The following AHCYL1 variants were observed in gnomAD, a reference collection of about 807,000 sequenced individuals.
AHCYL1 encodes adenosylhomocysteinase like 1, also known as S-adenosylhomocysteine hydrolase-like protein 1.
In AHCYL1, 20 loss-of-function variants were observed where a neutral mutation model predicts 79.3. That is an observed-to-expected ratio of 0.25 (90% confidence interval 0.18 to 0.37). AHCYL1 has a LOEUF of 0.37. AHCYL1 is among the 10% of genes least tolerant of loss of function. The pLI is 1.00. For synonymous variants in AHCYL1, 223 were observed against 242.2 expected, an observed-to-expected ratio of 0.92 and a Z score of 0.74; for missense variants, 330 against 673.6, an observed-to-expected ratio of 0.49 and a Z score of 5.65.
chr1:109,995,702 G>C, intron 1 of AHCYL1: 1 of 985,280 alleles, frequency 1.0e-6, no homozygotes. Flanking sequence ...AGGAGAAGAA[G>C]GTATCAGTCA....
chr1:110,017,728 C>T (rs537305098), intron 10 of AHCYL1, 145 bp downstream of exon 10: 2 of 1,029,180 alleles, frequency 1.9e-6, no homozygotes, highest in South Asian at 3.2e-5. Context: ...CACTCTAACC[C>T]TAGGGCTCTC....
chr1:110,019,745 G>C (rs973716372), intron 15 of AHCYL1, 119 bp downstream of exon 15: 2 of 963,474 alleles, frequency 2.1e-6, no homozygotes, highest in Non-Finnish European at 3.1e-6. Flanking sequence ...CTTACTGGTT[G>C]TTTGACCTCA....
intron 9 of AHCYL1, among the ~76,000 whole-genome samples, chr1:110,017,057 G>T (rs1249268294): frequency 6.6e-6 from 1 of 152,136 alleles, no homozygotes; most frequent in Non-Finnish European, 1.5e-5. Flanking sequence ...TAGAATTAAG[G>T]GTGGAATCTG....
At chr1:109,994,136 G>A (rs560322336) in intron 1 of AHCYL1, among the ~76,000 whole-genome samples, 1 of 152,314 alleles carries the variant, frequency 6.6e-6, no homozygotes, top group East Asian at 1.9e-4. Context: ...CTGGGCCAAT[G>A]CTTATCCTAG....
intron 1 of AHCYL1, 26 bp downstream of exon 1, chr1:109,985,198 G>A (rs1649401176): frequency 1.3e-6 from 2 of 1,594,266 alleles, no homozygotes; most frequent in Non-Finnish European, 1.7e-6. Context: ...GTGGCGGCGG[G>A]GGCTCGGGCT....
chr1:110,018,392 A>G lies in AHCYL1; in HGVS notation c.1143A>G (p.Thr381=), dbSNP rs1428532410. The change falls in exon 12 of 17, where the codon ACA becomes ACG. Residue 381 remains threonine, a synonymous_variant. Transcript: ENST00000369799. Reference sequence around the variant, plus strand: ...TTTTAGGAAATAAGAATGTAGTGACACGGGAGCACTTGGATCGCATGAAAA... The same window carrying G: ...TTTTAGGAAATAAGAATGTAGTGACGCGGGAGCACTTGGATCGCATGAAAA... ...ITCTGNKNVV[T]REHLDRMKNS... 1 of 1,614,020 alleles carries G rather than the reference A, an allele frequency of 6.2e-7. No homozygotes were observed. Among genetic ancestry groups the G allele is most frequent in the South Asian group, 1.1e-5 (1 of 91,088 alleles).
chr1:110,015,679 T>G (rs1651371903), intron 7 of AHCYL1, 148 bp downstream of exon 7: 2 of 638,656 alleles, frequency 3.1e-6, no homozygotes, highest in Non-Finnish European at 5.4e-6. Flanking sequence ...TTTTGAAAAA[T>G]CAAGTTGATC....
chr1:110,014,458 A>G (rs1436554607), intron 5 of AHCYL1, among the ~76,000 whole-genome samples: 3 of 152,258 alleles, frequency 2.0e-5, no homozygotes, highest in African/African-American at 7.2e-5. Flanking sequence ...GTTTACTAAT[A>G]TCAATAATGC....
At chr1:109,986,960 C>T (rs1267630470) in intron 1 of AHCYL1, among the ~76,000 whole-genome samples, 2 of 152,134 alleles carry the variant, frequency 1.3e-5, no homozygotes, top group Non-Finnish European at 2.9e-5. Context: ...TATTGTCAGG[C>T]CAAGTGCTGA....
intron 5 of AHCYL1, 30 bp downstream of exon 5, chr1:110,013,029 C>G (rs1651150315): frequency 6.4e-7 from 1 of 1,564,092 alleles, no homozygotes; most frequent in Non-Finnish European, 8.7e-7. Flanking sequence ...ACCAACTTTG[C>G]CCCAAAATAG....
At chr1:110,010,682 C>A (rs1420251376) in intron 2 of AHCYL1, among the ~76,000 whole-genome samples, 1 of 152,190 alleles carries the variant, frequency 6.6e-6, no homozygotes, top group Non-Finnish European at 1.5e-5. Flanking sequence ...CTAGCAGCAT[C>A]AGCAACACCT....
intron 9 of AHCYL1, among the ~76,000 whole-genome samples, chr1:110,017,137 A>G (rs977169381): frequency 1.3e-5 from 2 of 152,206 alleles, no homozygotes; most frequent in African/African-American, 2.4e-5. Flanking sequence ...GCAATGACCC[A>G]AAGAAGTTCC....
rs1651090595 is a variant in AHCYL1 at position 110,012,420 on chromosome 1, T to C, written c.435T>C (p.Gly145=). Residue 145 remains glycine, a synonymous_variant, in exon 4 of 17, where the codon GGT becomes GGC. Coordinates refer to ENST00000369799, the MANE Select transcript of AHCYL1 (RefSeq NM_006621.7). ...KRAQGEKPLA[G]AKIVGCTHIT... ...CTCAGGGGGAGAAGCCCTTGGCTGGTGCTAAAATAGTGGGCTGTACACACA... is the reference window on the plus strand; with the variant it reads ...CTCAGGGGGAGAAGCCCTTGGCTGGCGCTAAAATAGTGGGCTGTACACACA... 4 of 1,613,750 alleles carry C rather than the reference T, an allele frequency of 2.5e-6. No homozygotes were observed. Among genetic ancestry groups the C allele is most frequent in the Non-Finnish European group, 3.4e-6 (4 of 1,179,972 alleles).
chr1:110,004,276 C>T (rs1650509459), intron 1 of AHCYL1: 1 of 985,342 alleles, frequency 1.0e-6, no homozygotes, highest in Non-Finnish European at 1.2e-6. Context: ...CAGGCCCCAT[C>T]TGGGGAGAGT....
At position 110,012,781 on chromosome 1, in the gene AHCYL1, C is replaced by T. The variant is rs374682148; in HGVS notation, c.478-116C>T. 2.5e-5 allele frequency: 18 copies of T among 713,160 alleles called. No homozygotes were observed. The South Asian group carries it at 4.2e-4, about 17-fold the overall frequency. 44.2% of individuals were successfully genotyped at this position (713,160 alleles called of 1,614,324 possible). On this transcript the variant is annotated intron_variant, in intron 4 of 16. Transcript: ENST00000369799. ...CTGGAGTACACCCTTTTGTAACTTT[C>T]CAGTGTAGCACCTGTTGGTGCAGAG...
At chr1:110,014,226 C>G (rs1651260270) in intron 5 of AHCYL1, among the ~76,000 whole-genome samples, 1 of 152,284 alleles carries the variant, frequency 6.6e-6, no homozygotes, top group Non-Finnish European at 1.5e-5. Flanking sequence ...CCCTACAATC[C>G]CACTACATAG....
chr1:110,011,263 G>A lies in AHCYL1; in HGVS notation c.282G>A (p.Lys94=). The A allele has an allele frequency of 1.2e-6, 2 of 1,614,170 alleles. No homozygotes were observed. Among genetic ancestry groups the A allele is most frequent in the East Asian group, 2.2e-5 (1 of 44,884 alleles). Residue 94 remains lysine, a synonymous_variant, in exon 3 of 17, where the codon AAG becomes AAA. Coordinates refer to ENST00000369799, the MANE Select transcript of AHCYL1 (RefSeq NM_006621.7). ...SSDDEVSPRE[K]QQTNSKGSSN... ...ATGATGAGGTTTCTCCCCGAGAGAAGCAGCAAACCAACTCCAAGGGCAGCA... is the reference window on the plus strand; with the variant it reads ...ATGATGAGGTTTCTCCCCGAGAGAAACAGCAAACCAACTCCAAGGGCAGCA...
At chr1:109,993,451 A>C (rs975114049) in intron 1 of AHCYL1, among the ~76,000 whole-genome samples, 53 of 152,348 alleles carry the variant, frequency 3.5e-4, no homozygotes, top group African/African-American at 1.2e-3. Context: ...ACTGTCAATA[A>C]ATGCTTATTG....
At chr1:109,998,660 T>C (rs1207556112) in intron 1 of AHCYL1, among the ~76,000 whole-genome samples, 1 of 152,018 alleles carries the variant, frequency 6.6e-6, no homozygotes, top group African/African-American at 2.4e-5. Context: ...GTATTTTTAG[T>C]ACAGATGAGG....
Sources: allele counts gnomAD v4.1 joint callset (sites outside exome capture counted in the v4.1 genomes callset), GRCh38; gene constraint gnomAD v4.1.1; transcripts MANE v1.5; gene names NCBI Gene and HGNC (gene_info 2026-07-23, HGNC 2026-07-21).